Variants in SLC35F5 observed in about 807,000 individuals in gnomAD.
SLC35F5 encodes the protein solute carrier family 35 member F5.
Under a neutral mutation model 68.6 loss-of-function variants are expected in SLC35F5, and 54 were observed. The observed-to-expected ratio is 0.79, with a 90% CI of 0.63 to 0.99. The LOEUF (loss-of-function observed/expected upper bound fraction) is 0.99. Ranked by LOEUF, SLC35F5 falls within the 50% of genes least tolerant of loss-of-function variation. The pLI, the probability that SLC35F5 is intolerant of heterozygous loss-of-function variation, is 0.00. For missense variants in SLC35F5, 567 were observed against 626.9 expected (o/e 0.90, Z 1.02); for synonymous variants, 211 against 205.2 (o/e 1.03, Z -0.24).
chr2:113,756,171 G>C (rs1477189692), intron 1 of SLC35F5, 199 bp downstream of exon 1: 4 of 1,458,134 alleles, frequency 2.7e-6, no homozygotes, highest in Non-Finnish European at 3.6e-6. Context: ...GAGGGCGCAC[G>C]CACGGCTTCC....
In SLC35F5 at chr2:113,713,482, C is replaced by T. The variant is rs1381082062; in HGVS notation, c.*1736G>A. 2 of 152,142 alleles carry T rather than the reference C, an allele frequency of 1.3e-5. No homozygotes were observed. The highest frequency in any genetic ancestry group is 4.8e-5 in the African/African-American group (2 of 41,426). The allele number at this position is 152,142 out of a possible 1,614,324, so 9.4% of individuals were successfully genotyped here. On this transcript the variant is annotated 3_prime_UTR_variant, in exon 16 of 16. Transcript: ENST00000245680. The stretch of plus-strand genomic sequence containing the variant: ...TTTTACCCTGTAAATTGCTGAAGGT[C>T]TTTGTGAACTGTCGAACAGCAAAAA...
intron 8 of SLC35F5, among the ~76,000 whole-genome samples, chr2:113,734,911 AG>A (rs1244471813): frequency 7.9e-5 from 12 of 152,364 alleles, no homozygotes; most frequent in African/African-American, 2.4e-4. Flanking sequence ...GATCAAGTAC[AG>A]TCCTATTTAT....
intron 6 of SLC35F5, 47 bp from the exon 7 acceptor site, chr2:113,742,926 A>G: frequency 1.3e-6 from 2 of 1,541,910 alleles, no homozygotes; most frequent in Non-Finnish European, 1.8e-6. Flanking sequence ...ATTCCTCTCC[A>G]ACAAAAGTCA....
At chr2:113,745,796 C>G (rs945152300) in intron 5 of SLC35F5, among the ~76,000 whole-genome samples, 5 of 152,180 alleles carry the variant, frequency 3.3e-5, no homozygotes, top group African/African-American at 1.2e-4. Context: ...ATGTCAATTA[C>G]TTTACTTGCT....
At chr2:113,755,670 A>AC (rs1676951466) in intron 1 of SLC35F5, 126 bp from the exon 2 acceptor site, 1 of 1,078,640 alleles carries the variant, frequency 9.3e-7, no homozygotes, top group South Asian at 1.4e-5. Flanking sequence ...AATGTGTTAA[A>AC]CATACTTGCC....
intron 7 of SLC35F5, chr2:113,742,438 GTGTGTT>G (rs1289627045): frequency 5.9e-6 from 3 of 508,756 alleles, no homozygotes; most frequent in East Asian, 2.9e-5. Flanking sequence ...CCCAACCTGT[GTGTGTT>G]TGTAAGTTTG....
Position 113,756,600 on chromosome 2 carries a change from A to C in SLC35F5, c.-191T>G. 2.1e-6 allele frequency: 3 copies of C among 1,402,912 alleles called. No homozygotes were observed. The highest frequency in any genetic ancestry group is 2.8e-6 in the Non-Finnish European group (3 of 1,073,936). 86.9% of individuals were successfully genotyped at this position (1,402,912 alleles called of 1,614,324 possible). A position where few individuals can be genotyped will look rare whatever the true frequency, so the allele number is the denominator to read the frequency against. ...GGAGGGCGTGGAGCGGGTGAGGGGAAGGGACGGCACAGTCAGCTATGGCCG... is the reference window on the plus strand; with the variant it reads ...GGAGGGCGTGGAGCGGGTGAGGGGACGGGACGGCACAGTCAGCTATGGCCG... On this transcript the variant is annotated 5_prime_UTR_variant, in exon 1 of 16. Transcript: ENST00000245680.
chr2:113,756,410 G>T lies in SLC35F5; in HGVS notation c.-1C>A. ...CGCGATGGCGTCGTGGCGGCACCATGAGCGGACCGGTCAGGCCCCGCAGCC... is the reference window on the plus strand; with the variant it reads ...CGCGATGGCGTCGTGGCGGCACCATTAGCGGACCGGTCAGGCCCCGCAGCC... On this transcript the variant is annotated 5_prime_UTR_variant, in exon 1 of 16. Coordinates refer to ENST00000245680, the MANE Select transcript of SLC35F5 (RefSeq NM_025181.5). 6.4e-7 allele frequency: 1 copy of T among 1,556,212 alleles called. No individual in the cohort carries two copies.
At position 113,756,538 on chromosome 2, in the gene SLC35F5, G is replaced by T; in HGVS notation, c.-129C>A. ...TCCTGAAGACGCGGTGCCCCTCAGG[G>T]AGAGGCTCCCGACACCACCCAACTC... On this transcript the variant is annotated 5_prime_UTR_variant, in exon 1 of 16. Coordinates refer to ENST00000245680, the MANE Select transcript of SLC35F5 (RefSeq NM_025181.5). 1 of 1,483,938 alleles carries T rather than the reference G, an allele frequency of 6.7e-7. No individual in the cohort carries two copies. The highest frequency in any genetic ancestry group is 8.9e-7 in the Non-Finnish European group (1 of 1,120,910). 91.9% of individuals were successfully genotyped at this position (1,483,938 alleles called of 1,614,324 possible).
chr2:113,718,865 AAAAGAAAGAAAGAAAGAAAGAAAGAAAG>A (rs765844454), intron 14 of SLC35F5, among the ~76,000 whole-genome samples: 3,263 of 123,478 alleles, frequency 0.026, 109 homozygotes, highest in African/African-American at 0.07. Context: ...GAGAGAAAGA[AAAAGAAAGAAAGAAAGAAAGAAAGAAAG>A]AAAGAAAGAA....
rs1367251699 is a variant in SLC35F5, at chr2:113,709,875, A to G, written c.*5343T>C. 1.3e-5 allele frequency among the ~76,000 whole-genome samples: 2 copies of G among 152,170 alleles called. No individual in the cohort carries two copies. The highest frequency in any genetic ancestry group is 2.9e-5 in the Non-Finnish European group (2 of 68,014). On this transcript the variant is annotated 3_prime_UTR_variant, in exon 16 of 16. Transcript: ENST00000245680. ...TGCCCAGGCTGGACTGCAGTGGCCC[A>G]ATAATAACTCACTGCAGCCTCGAAC...
intron 13 of SLC35F5, among the ~76,000 whole-genome samples, chr2:113,722,903 A>G (rs1021899601): frequency 1.3e-5 from 2 of 152,186 alleles, no homozygotes; most frequent in Non-Finnish European, 2.9e-5. Flanking sequence ...AAATTTAGGG[A>G]AAAAAATGGA....
chr2:113,703,158 C>CTCTT (rs1246652839), downstream of SLC35F5, among the ~76,000 whole-genome samples: 3 of 150,576 alleles, frequency 2.0e-5, no homozygotes, highest in African/African-American at 7.4e-5. Context: ...TTTAATGAAT[C>CTCTT]TCTTTCTCTC....
chr2:113,749,800 T>C (rs1399104771), intron 4 of SLC35F5, among the ~76,000 whole-genome samples: 1 of 152,162 alleles, frequency 6.6e-6, no homozygotes, highest in African/African-American at 2.4e-5. Context: ...TCACATTATA[T>C]ATATTCTAAC....
At chr2:113,703,162 T>TC (rs1686729854), downstream of SLC35F5, among the ~76,000 whole-genome samples, 1 of 147,226 alleles carries the variant, frequency 6.8e-6, no homozygotes, top group Admixed American at 6.8e-5. Flanking sequence ...ATGAATCTCT[T>TC]TCTCTCTCTC....
intron 7 of SLC35F5, chr2:113,741,982 G>T (rs577626012): frequency 2.0e-5 from 3 of 152,008 alleles, no homozygotes; most frequent in African/African-American, 7.2e-5. Context: ...AATCTTAAAG[G>T]CTCATATTTA....
downstream of SLC35F5, among the ~76,000 whole-genome samples, chr2:113,704,582 G>C (rs1261592977): frequency 6.6e-6 from 1 of 152,088 alleles, no homozygotes; most frequent in Non-Finnish European, 1.5e-5. Context: ...GCGAGAAATC[G>C]AGCGCAGCGC....
chr2:113,720,424 G>A (rs997299641), intron 13 of SLC35F5, among the ~76,000 whole-genome samples: 6 of 151,212 alleles, frequency 4.0e-5, no homozygotes, highest in Non-Finnish European at 7.4e-5. Context: ...CAGAGTAAAC[G>A]AGTTTTGTGA....
chr2:113,731,967 T>A lies in SLC35F5; in HGVS notation c.921-319A>T, dbSNP rs111249877. Among the ~76,000 whole-genome samples the A allele has an allele frequency of 9.3e-3, 1,423 of 152,216 alleles. 18 individuals carry two copies. Among genetic ancestry groups the A allele is most frequent in the African/African-American group, 0.033 (1,358 of 41,532 alleles). On this transcript the variant is annotated intron_variant, in intron 9 of 15. Transcript: ENST00000245680. ...TTGACCAAGATCACATAGCCGAGAC[T>A]GAAATACAGGCAGTTTTACTCCAGA...
Sources: gnomAD v4.1 joint callset for allele counts (sites outside exome capture counted in the v4.1 genomes callset) on GRCh38, gnomAD v4.1.1 for gene constraint, MANE v1.5 for transcripts, NCBI Gene and HGNC (gene_info 2026-07-23, HGNC 2026-07-21) for gene names.